Variants in GPHN observed in about 807,000 individuals in gnomAD.
The protein encoded by GPHN is gephyrin.
Under a neutral mutation model 95.5 loss-of-function variants are expected in GPHN, and 17 were observed. The ratio of observed to expected loss-of-function variants is 0.18; its 90% confidence interval spans 0.12 to 0.27. The LOEUF is 0.27. GPHN is among the 10% of genes least tolerant of loss of function. The pLI is 1.00. For missense variants in GPHN, 660 were observed against 978.1 expected, an observed-to-expected ratio of 0.67 and a Z score of 4.34; for synonymous variants, 320 against 322.5, an observed-to-expected ratio of 0.99 and a Z score of 0.08.
chr14:66,899,467 T>C (rs2065024795), intron 5 of GPHN, among the ~76,000 whole-genome samples: 1 of 151,964 alleles, frequency 6.6e-6, no homozygotes, highest in East Asian at 1.9e-4. Flanking sequence ...AGAGTTTTTA[T>C]CATGGATCAG....
intron 1 of GPHN, among the ~76,000 whole-genome samples, chr14:66,618,759 G>A (rs373007021): frequency 1.8e-4 from 28 of 152,216 alleles, no homozygotes; most frequent in African/African-American, 6.3e-4. Flanking sequence ...TGTTGGTGGT[G>A]GGAGGGTAGA....
rs1345373838 is a variant in GPHN, at chr14:67,008,566, A to G, written c.964-15067A>G. Among the ~76,000 whole-genome samples, 10 of 149,700 alleles carry G rather than the reference A, an allele frequency of 6.7e-5. No homozygotes were observed. The Admixed American group carries it at 6.8e-4, about 10-fold the overall frequency. ...TTATTTATTTATTTATTTATTTAAG[A>G]CAGGGTTTCTCTCTGTCACCCAGCC... On this transcript the variant is annotated intron_variant, in intron 9 of 22. Transcript: ENST00000478722.
the GPHN span, among the ~76,000 whole-genome samples, chr14:67,707,211 A>G: frequency 6.3e-3 from 957 of 152,350 alleles, 7 homozygotes; most frequent in Middle Eastern, 0.017. Context: ...ATTATTTTGA[A>G]GACTTGTAGC....
At chr14:67,011,573 CA>C (rs201978777) in intron 9 of GPHN, among the ~76,000 whole-genome samples, 924 of 63,160 alleles carry the variant, frequency 0.015, 7 homozygotes, top group African/African-American at 0.047. Context: ...GACCTTGCCT[CA>C]AAAAAAAAAA....
At chr14:67,360,857 G>T in the GPHN span, 2 of 152,078 alleles carry the variant, frequency 1.3e-5, no homozygotes, top group African/African-American at 2.4e-5. Flanking sequence ...CTTTTCTTCC[G>T]CCCCAACAGC....
chr14:67,463,251 T>G, the GPHN span, among the ~76,000 whole-genome samples: 1 of 152,208 alleles, frequency 6.6e-6, no homozygotes, highest in Non-Finnish European at 1.5e-5. Context: ...AGACCTCATC[T>G]CTATTTTTAA....
intron 1 of GPHN, among the ~76,000 whole-genome samples, chr14:66,535,533 G>T (rs1331346078): frequency 6.6e-6 from 1 of 152,054 alleles, no homozygotes; most frequent in Admixed American, 6.6e-5. Context: ...ATTGCATTGA[G>T]GCTATAGATC....
At chr14:67,561,817 C>A in the GPHN span, 1 of 678,148 alleles carries the variant, frequency 1.5e-6, no homozygotes, top group East Asian at 2.7e-5. Flanking sequence ...CTGCAGTGAG[C>A]CAAAATTGCT....
intron 2 of GPHN, among the ~76,000 whole-genome samples, chr14:66,738,886 AAT>A (rs1318418442): frequency 1.3e-5 from 2 of 152,140 alleles, no homozygotes; most frequent in Non-Finnish European, 2.9e-5. Flanking sequence ...AATACTGTAT[AAT>A]ACCAGGAAAT....
the GPHN span, chr14:67,473,698 G>A: frequency 6.3e-7 from 1 of 1,592,124 alleles, no homozygotes; most frequent in Non-Finnish European, 8.5e-7. This position sits in a 1 kb window ranked among gnomAD's most constrained non-coding sequence, Gnocchi z 6.5. Flanking sequence ...ATGAGGCAGC[G>A]CAGGAGCAGC....
At chr14:67,494,973 C>T in the GPHN span, among the ~76,000 whole-genome samples, 1 of 152,114 alleles carries the variant, frequency 6.6e-6, no homozygotes, top group Non-Finnish European at 1.5e-5. Context: ...TTAAATAAAG[C>T]AAATGGGGCA....
chr14:66,649,545 A>G (rs991111582), intron 1 of GPHN, among the ~76,000 whole-genome samples: 10 of 152,154 alleles, frequency 6.6e-5, no homozygotes. Context: ...TTAGATTCTT[A>G]TTGGAGTGTG....
the GPHN span, chr14:67,292,730 T>TA: frequency 6.2e-7 from 1 of 1,604,858 alleles, no homozygotes; most frequent in South Asian, 1.1e-5. Context: ...GTATGTATTC[T>TA]AAACATCTTG....
chr14:67,090,206 G>A (rs1479477005), intron 12 of GPHN, among the ~76,000 whole-genome samples: 2 of 152,048 alleles, frequency 1.3e-5, no homozygotes, highest in Non-Finnish European at 2.9e-5. Flanking sequence ...GGGTACATGA[G>A]ATATGGAGTT....
At chr14:66,580,552 C>T (rs1277203562) in intron 1 of GPHN, among the ~76,000 whole-genome samples, 1 of 151,706 alleles carries the variant, frequency 6.6e-6, no homozygotes, top group East Asian at 1.9e-4. Context: ...TAAGAGACAA[C>T]TATGAGCAAT....
At chr14:67,240,391 G>A in the GPHN span, among the ~76,000 whole-genome samples, 1 of 152,172 alleles carries the variant, frequency 6.6e-6, no homozygotes, top group Non-Finnish European at 1.5e-5. Context: ...GGGACAAAAT[G>A]AGGAAAACCG....
chr14:67,562,306 C>T, the GPHN span: 3 of 1,613,940 alleles, frequency 1.9e-6, 1 homozygote, highest in South Asian at 3.3e-5. Context: ...CCCTGCAGAG[C>T]AAGGACTCTG....
chr14:66,702,613 A>G (rs575401768), intron 2 of GPHN, among the ~76,000 whole-genome samples: 1 of 152,312 alleles, frequency 6.6e-6, no homozygotes, highest in African/African-American at 2.4e-5. Flanking sequence ...CAGCATCGAC[A>G]ACAACAACAA....
chr14:66,960,893 C>T (rs2068856660), intron 8 of GPHN, among the ~76,000 whole-genome samples: 1 of 152,082 alleles, frequency 6.6e-6, no homozygotes, highest in Non-Finnish European at 1.5e-5. Flanking sequence ...AACCCTCACT[C>T]CCAGGTTTTT....
Sources: gnomAD v4.1 joint callset for allele counts (sites outside exome capture counted in the v4.1 genomes callset) on GRCh38, gnomAD v4.1.1 for gene constraint, Gnocchi (gnomAD v3.1) non-coding constraint, MANE v1.5 for transcripts, NCBI Gene and HGNC (gene_info 2026-07-23, HGNC 2026-07-21) for gene names.